AAGAB: variants seen among roughly 807,000 people sequenced by gnomAD.
AAGAB encodes alpha- and gamma-adaptin-binding protein p34.
In AAGAB, 38 loss-of-function variants were observed where a neutral mutation model predicts 44.1. That is an observed-to-expected ratio of 0.86 (90% CI 0.67 to 1.13). The LOEUF is 1.13. Ranked by LOEUF, AAGAB falls within the 50% of genes most tolerant of loss-of-function variation. AAGAB has a pLI of 0.00. For synonymous variants in AAGAB, 131 were observed against 131.8 expected, an observed-to-expected ratio of 0.99 and a Z score of 0.04; for missense variants, 450 against 373.8, an observed-to-expected ratio of 1.20 and a Z score of -1.68.
chr15:67,250,947 A>C (rs1964852316), intron 1 of AAGAB, among the ~76,000 whole-genome samples: 1 of 152,222 alleles, frequency 6.6e-6, no homozygotes, highest in Non-Finnish European at 1.5e-5. Flanking sequence ...GAATGGCGCG[A>C]GCCCAGGAGG....
rs765473955 is a variant in AAGAB at position 67,208,607 on chromosome 15, C to T, written c.670G>A (p.Gly224Ser). ...DSTESLSDHR[G>S]GASNTTDAQV... ...GCATCTGTTGTGTTAGATGCACCAC[C>T]CCGATGATCAGAGAGGGATTCAGTA... The change falls in exon 7 of 10, where the codon GGT (glycine) becomes AGT (serine). Residue 224 changes from glycine (G) to serine (S), a missense_variant. Coordinates refer to ENST00000261880, the MANE Select transcript of AAGAB (RefSeq NM_024666.5). The T allele has an allele frequency of 6.2e-7, 1 of 1,614,168 alleles. No individual in the cohort carries two copies. Among genetic ancestry groups the T allele is most frequent in the Non-Finnish European group, 8.5e-7 (1 of 1,180,028 alleles).
intron 5 of AAGAB, 61 bp from the exon 6 acceptor site, chr15:67,209,605 C>T (rs1325449623): frequency 6.9e-6 from 9 of 1,299,712 alleles, no homozygotes; most frequent in Non-Finnish European, 1.0e-5. Context: ...GTTCAAATGG[C>T]TATGATGATG....
chr15:67,208,545 C>T lies in AAGAB; in HGVS notation c.715+17G>A. On this transcript the variant is annotated intron_variant, in intron 7 of 9. Coordinates refer to ENST00000261880, the MANE Select transcript of AAGAB (RefSeq NM_024666.5). Reference sequence around the variant, plus strand: ...GTTGCACAAAGCTCTCTCTTGGCAGCCAAAGGAGGAACTTACCCACAATGC... The same window carrying T: ...GTTGCACAAAGCTCTCTCTTGGCAGTCAAAGGAGGAACTTACCCACAATGC... 6.2e-7 allele frequency: 1 copy of T among 1,608,844 alleles called. No homozygotes were observed. The highest frequency in any genetic ancestry group is 2.2e-5 in the East Asian group (1 of 44,840).
intron 5 of AAGAB, among the ~76,000 whole-genome samples, chr15:67,228,466 G>C (rs980817869): frequency 5.3e-5 from 8 of 152,202 alleles, no homozygotes; most frequent in Admixed American, 2.6e-4. Flanking sequence ...TAAAAAGTCA[G>C]AAAATAACGG....
chr15:67,236,587 C>T, intron 2 of AAGAB, 43 bp downstream of exon 2: 1 of 1,599,144 alleles, frequency 6.3e-7, no homozygotes, highest in Non-Finnish European at 8.6e-7. Flanking sequence ...AGAAGGCATG[C>T]AATAATTTCT....
In AAGAB at chr15:67,202,625, ACT is replaced by A. The variant is rs1362557759; in HGVS notation, c.*194_*195del. The stretch of plus-strand genomic sequence containing the variant: ...ACTCATTACTATCACTGTATTCCTC[ACT>A]CTCTTACAATATACTGAGGAAAAAA... On this transcript the variant is annotated 3_prime_UTR_variant, in exon 10 of 10. Coordinates refer to ENST00000261880, the MANE Select transcript of AAGAB (RefSeq NM_024666.5). The A allele has an allele frequency of 1.7e-6, 1 of 572,194 alleles. No homozygotes were observed. The highest frequency in any genetic ancestry group is 3.1e-6 in the Non-Finnish European group (1 of 319,762). The allele number at this position is 572,194 out of a possible 1,614,324, so 35.4% of individuals were successfully genotyped here. A position where few individuals can be genotyped will look rare whatever the true frequency, so the allele number is the denominator to read the frequency against.
chr15:67,225,802 T>G (rs1315323382), intron 5 of AAGAB, among the ~76,000 whole-genome samples: 1 of 152,214 alleles, frequency 6.6e-6, no homozygotes, highest in African/African-American at 2.4e-5. Flanking sequence ...TTCTCACTTT[T>G]TGGCATTTAT....
At chr15:67,206,800 G>A (rs1035974342) in intron 7 of AAGAB, among the ~76,000 whole-genome samples, 1 of 152,042 alleles carries the variant, frequency 6.6e-6, no homozygotes, top group Non-Finnish European at 1.5e-5. Context: ...GATGCTCCAG[G>A]GTCATCCTGT....
rs112578457 is a variant in AAGAB, at chr15:67,243,589, C to T, written c.74-6769G>A. On this transcript the variant is annotated intron_variant, in intron 1 of 9. Coordinates refer to ENST00000261880, the MANE Select transcript of AAGAB (RefSeq NM_024666.5). ...ATACTGCTAAACATCCATCCTACAA[C>T]GCACAAGACAGCCCCACAAGACAAG... 5.8e-3 allele frequency among the ~76,000 whole-genome samples: 879 copies of T among 152,228 alleles called. 6 individuals are homozygous for T. Among genetic ancestry groups the T allele is most frequent in the African/African-American group, 0.02 (819 of 41,536 alleles).
intron 1 of AAGAB, 163 bp downstream of exon 1, chr15:67,254,394 TAA>T (rs1293275290): frequency 7.1e-7 from 1 of 1,415,456 alleles, no homozygotes; most frequent in East Asian, 2.5e-5. Context: ...AGCACGAGAT[TAA>T]GAGATAGGGG....
intron 5 of AAGAB, among the ~76,000 whole-genome samples, chr15:67,222,242 G>GCGCGCGCGCGCGCACA (rs1367738219): frequency 7.8e-5 from 7 of 90,038 alleles, no homozygotes; most frequent in African/African-American, 2.6e-4. Context: ...GCGCGCGCGC[G>GCGCGCGCGCGCGCACA]CACACACACA....
At chr15:67,211,654 C>T (rs1006162825) in intron 5 of AAGAB, among the ~76,000 whole-genome samples, 1 of 152,108 alleles carries the variant, frequency 6.6e-6, no homozygotes, top group East Asian at 1.9e-4. Context: ...GAGTAATAAA[C>T]TACTTCTGCA....
chr15:67,226,311 G>A (rs1045965295), intron 5 of AAGAB, among the ~76,000 whole-genome samples: 2 of 152,004 alleles, frequency 1.3e-5, no homozygotes, highest in African/African-American at 4.8e-5. Flanking sequence ...TGTAGAGACA[G>A]AGTTCTCACT....
intron 7 of AAGAB, 33 bp from the exon 8 acceptor site, chr15:67,204,181 G>A (rs1338639408): frequency 6.3e-6 from 9 of 1,431,626 alleles, no homozygotes; most frequent in Admixed American, 3.5e-5. Flanking sequence ...TATCTGTCAC[G>A]TTATTTGCAT....
At chr15:67,212,028 C>A (rs1243398535) in intron 5 of AAGAB, among the ~76,000 whole-genome samples, 1 of 152,104 alleles carries the variant, frequency 6.6e-6, no homozygotes, top group Non-Finnish European at 1.5e-5. Flanking sequence ...TACAGGCGCC[C>A]GCCACCACGC....
chr15:67,236,563 G>A (rs907641824), intron 2 of AAGAB, 59 bp from the exon 3 acceptor site: 23 of 1,602,552 alleles, frequency 1.4e-5, no homozygotes, highest in Non-Finnish European at 1.8e-5. Flanking sequence ...CAGACAAAAT[G>A]TAATGGGAAA....
upstream of AAGAB, chr15:67,255,115 C>G (rs927897669): frequency 4.5e-6 from 3 of 670,164 alleles, no homozygotes; most frequent in South Asian, 5.2e-5. Context: ...CCCCACGGCC[C>G]AGCACACTCC....
Position 67,204,042 on chromosome 15 carries a change from A to T in AAGAB, c.820+2T>A. The T allele has an allele frequency of 4.5e-6, 7 of 1,562,964 alleles. No homozygotes were observed. Among genetic ancestry groups the T allele is most frequent in the Non-Finnish European group, 6.2e-6 (7 of 1,134,142 alleles). On this transcript the variant is annotated splice_donor_variant, in intron 8 of 9. Transcript: ENST00000261880. LOFTEE classifies it high-confidence loss of function. ...CATATTAGACACAATGGATCTGATT[A>T]CCTTTCATTTCCTTTAACTTTGAAA...
intron 5 of AAGAB, among the ~76,000 whole-genome samples, chr15:67,222,283 C>CAA (rs1964101476): frequency 1.7e-5 from 2 of 117,570 alleles, no homozygotes; most frequent in African/African-American, 5.6e-5. Context: ...CACACACACA[C>CAA]CCTCCACCCA....
Sources: allele counts gnomAD v4.1 joint callset (sites outside exome capture counted in the v4.1 genomes callset), GRCh38; gene constraint gnomAD v4.1.1; transcripts MANE v1.5; gene names NCBI Gene and HGNC (gene_info 2026-07-23, HGNC 2026-07-21).